SETBP1: variants seen among roughly 807,000 people sequenced by gnomAD.
The protein encoded by SETBP1 is SET binding protein 1.
In SETBP1, 9 loss-of-function variants were observed where a neutral mutation model predicts 101.0. The observed-to-expected ratio is 0.09, with a 90% CI of 0.05 to 0.16. The LOEUF is 0.16. SETBP1 is among the 10% of genes least tolerant of loss of function. SETBP1 has a pLI of 1.00. For synonymous variants in SETBP1, 818 were observed against 788.5 expected (o/e 1.04, Z -0.63); for missense variants, 1,858 against 2,033.8 (o/e 0.91, Z 1.66).
At position 44,950,212 on chromosome 18, in the gene SETBP1, C is replaced by T. The variant is rs1447661395; in HGVS notation, c.872C>T (p.Pro291Leu). The part of the protein sequence containing the change: ...NKDLLLGGVA[P>L]SPSSHSSPAP... ...GATCTGCTCTTGGGAGGTGTGGCTC[C>T]ATCCCCAAGCAGCCACAGCTCACCA... The change falls in exon 4 of 6, where the codon CCA (proline) becomes CTA (leucine). Residue 291 changes from proline to leucine, a missense_variant. Pro to Leu is a moderately conservative substitution (Grantham distance 98, BLOSUM62 -3). Transcript: ENST00000649279. 6.2e-7 allele frequency: 1 copy of T among 1,613,902 alleles called. No homozygotes were observed. Among genetic ancestry groups the T allele is most frequent in the Non-Finnish European group, 8.5e-7 (1 of 1,180,028 alleles).
At chr18:44,791,687 T>C (rs1018617739) in intron 2 of SETBP1, among the ~76,000 whole-genome samples, 2 of 151,904 alleles carry the variant, frequency 1.3e-5, no homozygotes, top group Non-Finnish European at 2.9e-5. Flanking sequence ...CTGTCTAAGG[T>C]TGAAACCAAA....
chr18:45,059,480 GCA>G (rs748913355), intron 5 of SETBP1, among the ~76,000 whole-genome samples: 1 of 152,010 alleles, frequency 6.6e-6, no homozygotes, highest in Admixed American at 6.5e-5. Flanking sequence ...CTCTTTTGAT[GCA>G]CAGTTTCATC....
intron 4 of SETBP1, among the ~76,000 whole-genome samples, chr18:44,965,164 T>C (rs745483772): frequency 2.1e-4 from 32 of 152,256 alleles, no homozygotes; most frequent in Middle Eastern, 3.4e-3. Context: ...CAATAAATTT[T>C]TCAAAGTTTG....
intron 4 of SETBP1, among the ~76,000 whole-genome samples, chr18:45,022,837 A>T (rs2073097260): frequency 6.6e-6 from 1 of 152,250 alleles, no homozygotes; most frequent in African/African-American, 2.4e-5. Flanking sequence ...CTCAAAAAAT[A>T]AAAATAAGAA....
chr18:45,058,400 T>C (rs986362987), intron 5 of SETBP1, among the ~76,000 whole-genome samples: 5 of 152,206 alleles, frequency 3.3e-5, no homozygotes, highest in African/African-American at 9.7e-5. Flanking sequence ...TTTAGAATTA[T>C]TCGATTAAGT....
intron 2 of SETBP1, among the ~76,000 whole-genome samples, chr18:44,746,537 G>T (rs2070251931): frequency 6.6e-6 from 1 of 152,218 alleles, no homozygotes. Context: ...AGTTCACACA[G>T]GGGTTATCAA....
At chr18:45,054,274 G>A (rs1410631126) in intron 5 of SETBP1, among the ~76,000 whole-genome samples, 2 of 151,656 alleles carry the variant, frequency 1.3e-5, no homozygotes, top group Non-Finnish European at 2.9e-5. Flanking sequence ...TGCACCCTCC[G>A]CCTCCAGGGT....
intron 3 of SETBP1, among the ~76,000 whole-genome samples, chr18:44,892,482 G>C (rs1321492601): frequency 6.6e-6 from 1 of 152,092 alleles, no homozygotes; most frequent in East Asian, 1.9e-4. Flanking sequence ...CTGTGCTATT[G>C]TGTTGAATTT....
intron 3 of SETBP1, among the ~76,000 whole-genome samples, chr18:44,918,381 T>G (rs2070496789): frequency 2.0e-5 from 3 of 152,214 alleles, no homozygotes; most frequent in Admixed American, 6.5e-5. Context: ...GCCTTCTCCA[T>G]GAAAGGCTTC....
intron 3 of SETBP1, among the ~76,000 whole-genome samples, chr18:44,930,642 A>C (rs1405970159): frequency 1.3e-5 from 2 of 152,134 alleles, no homozygotes; most frequent in African/African-American, 4.8e-5. Flanking sequence ...CAGGGATTCA[A>C]CTTCTTCCTA....
In SETBP1 at chr18:45,023,938, C is replaced by A. The variant is rs187565405; in HGVS notation, c.4001-14547C>A. On this transcript the variant is annotated intron_variant, in intron 4 of 5. Transcript: ENST00000649279. ...TAAATCATTTAAACAAGGTCAAATA[C>A]CTAGTTAAGTGACAAAGCTGGGATT... 1.1e-4 allele frequency among the ~76,000 whole-genome samples: 17 copies of A among 152,292 alleles called. No individual in the cohort carries two copies. The East Asian group carries it at 3.3e-3, about 29-fold the overall frequency.
intron 2 of SETBP1, among the ~76,000 whole-genome samples, chr18:44,762,674 G>T (rs916579648): frequency 2.0e-5 from 3 of 152,184 alleles, no homozygotes; most frequent in Non-Finnish European, 2.9e-5. Context: ...GGAAGGAAAG[G>T]CAATGCAAGC....
intron 3 of SETBP1, among the ~76,000 whole-genome samples, chr18:44,885,857 C>CAAA (rs1555696149): frequency 2.6e-5 from 2 of 78,166 alleles, no homozygotes; most frequent in Non-Finnish European, 2.4e-5. Context: ...AAAAAAAAAA[C>CAAA]AAAAAAAAAA....
intron 2 of SETBP1, among the ~76,000 whole-genome samples, chr18:44,823,283 G>T (rs1204259537): frequency 6.6e-6 from 1 of 152,152 alleles, no homozygotes; most frequent in Non-Finnish European, 1.5e-5. Flanking sequence ...AGAATAAAAA[G>T]AAATAGATAT....
At chr18:44,983,606 G>T (rs2072162900) in intron 4 of SETBP1, among the ~76,000 whole-genome samples, 1 of 152,122 alleles carries the variant, frequency 6.6e-6, no homozygotes, top group Admixed American at 6.5e-5. Flanking sequence ...CCCTCCTGCT[G>T]CAGCAGCAGG....
chr18:44,932,076 A>G (rs1229058233), intron 3 of SETBP1, among the ~76,000 whole-genome samples: 15 of 152,172 alleles, frequency 9.9e-5, no homozygotes, highest in African/African-American at 3.6e-4. Flanking sequence ...AGTGGCTGGT[A>G]CTGGTTGTTC....
intron 3 of SETBP1, among the ~76,000 whole-genome samples, chr18:44,917,340 G>C (rs1445728611): frequency 6.6e-6 from 1 of 152,206 alleles, no homozygotes; most frequent in Non-Finnish European, 1.5e-5. Flanking sequence ...TAGGGTCACT[G>C]CCTGGGGAGA....
At chr18:45,055,376 A>G (rs2145567875) in intron 5 of SETBP1, among the ~76,000 whole-genome samples, 1 of 152,332 alleles carries the variant, frequency 6.6e-6, no homozygotes, top group South Asian at 2.1e-4. Flanking sequence ...AAACTTTAAC[A>G]GGATGAGATA....
At chr18:44,758,468 T>C (rs1033875674) in intron 2 of SETBP1, among the ~76,000 whole-genome samples, 20 of 151,880 alleles carry the variant, frequency 1.3e-4, no homozygotes, top group Non-Finnish European at 2.5e-4. Context: ...CTGCAAGCTC[T>C]GCCTCCCGGG....
Sources: gnomAD v4.1 joint callset for allele counts (sites outside exome capture counted in the v4.1 genomes callset) on GRCh38, gnomAD v4.1.1 for gene constraint, MANE v1.5 for transcripts, NCBI Gene and HGNC (gene_info 2026-07-23, HGNC 2026-07-21) for gene names.